Variants in DPP10 observed in about 807,000 individuals in gnomAD.
DPP10 encodes inactive dipeptidyl peptidase 10.
DPP10 carries 33 observed loss-of-function variants against 120.9 expected under a neutral mutation model. The ratio of observed to expected loss-of-function variants is 0.27; its 90% CI spans 0.21 to 0.37. DPP10 has a LOEUF of 0.37. Ranked by LOEUF, DPP10 falls within the 10% of genes least tolerant of loss-of-function variation. DPP10 has a pLI of 1.00. For synonymous variants in DPP10, 337 were observed against 326.1 expected (o/e 1.03, Z -0.36); for missense variants, 816 against 942.8 (o/e 0.87, Z 1.76).
At chr2:115,663,204 TTC>T (rs1481765730) in intron 5 of DPP10, among the ~76,000 whole-genome samples, 6 of 152,166 alleles carry the variant, frequency 3.9e-5, no homozygotes, top group Admixed American at 6.6e-5. Flanking sequence ...TGTTTTAAAT[TTC>T]TTTTTGTTCT....
chr2:114,971,374 T>C (rs563762129), intron 1 of DPP10, among the ~76,000 whole-genome samples: 1 of 152,284 alleles, frequency 6.6e-6, no homozygotes, highest in East Asian at 1.9e-4. Flanking sequence ...CCATCATAGG[T>C]TCCCCAGAAA....
chr2:115,475,115 T>C (rs1324007001), intron 3 of DPP10, among the ~76,000 whole-genome samples: 1 of 151,900 alleles, frequency 6.6e-6, no homozygotes, highest in Non-Finnish European at 1.5e-5. Flanking sequence ...GCCAAGACAA[T>C]GGGAAGGCCT....
chr2:114,609,239 A>T (rs1382074769), intron 1 of DPP10, among the ~76,000 whole-genome samples: 1 of 152,130 alleles, frequency 6.6e-6, no homozygotes, highest in Non-Finnish European at 1.5e-5. Context: ...TGATCAATGG[A>T]AGCATATTTC....
intron 5 of DPP10, among the ~76,000 whole-genome samples, chr2:115,646,155 A>G (rs868432106): frequency 6.6e-6 from 1 of 151,944 alleles, no homozygotes; most frequent in African/African-American, 2.4e-5. Context: ...CCTCCTATTT[A>G]TTATTTTATT....
intron 13 of DPP10, among the ~76,000 whole-genome samples, chr2:115,774,221 C>CAT (rs1681825947): frequency 6.8e-6 from 1 of 148,028 alleles, no homozygotes; most frequent in South Asian, 2.2e-4. Context: ...CACACACACA[C>CAT]ACACACACAC....
intron 2 of DPP10, among the ~76,000 whole-genome samples, chr2:115,331,514 A>G (rs1389201254): frequency 1.3e-5 from 2 of 152,122 alleles, no homozygotes; most frequent in Admixed American, 1.3e-4. Flanking sequence ...TTTCAAAGGG[A>G]ATGCTCCCAG....
At chr2:115,836,349 A>C in intron 22 of DPP10, 93 bp downstream of exon 22, 1 of 1,380,556 alleles carries the variant, frequency 7.2e-7, no homozygotes, top group Non-Finnish European at 1.0e-6. Context: ...CTCATTTATC[A>C]TATGTTATTA....
intron 3 of DPP10, among the ~76,000 whole-genome samples, chr2:115,419,335 G>A (rs2069723631): frequency 6.6e-6 from 1 of 152,172 alleles, no homozygotes; most frequent in African/African-American, 2.4e-5. Context: ...CATGGTGTCA[G>A]TATCTGCATC....
intron 1 of DPP10, among the ~76,000 whole-genome samples, chr2:115,094,385 G>A (rs1292282023): frequency 6.6e-6 from 1 of 152,082 alleles, no homozygotes; most frequent in Non-Finnish European, 1.5e-5. Flanking sequence ...ATATATTTTA[G>A]GAGATAGAAA....
intron 1 of DPP10, among the ~76,000 whole-genome samples, chr2:114,473,524 T>C (rs1009353585): frequency 2.0e-5 from 3 of 152,222 alleles, no homozygotes; most frequent in Admixed American, 2.0e-4. Context: ...AGCTGTACTT[T>C]TAGGAACATA....
At chr2:115,385,253 G>C (rs565817902) in intron 3 of DPP10, among the ~76,000 whole-genome samples, 1 of 152,256 alleles carries the variant, frequency 6.6e-6, no homozygotes, top group Admixed American at 6.5e-5. Flanking sequence ...GTGCTATACA[G>C]AGAGGCCAAG....
chr2:114,490,640 A>G (rs957126646), intron 1 of DPP10, among the ~76,000 whole-genome samples: 1 of 152,160 alleles, frequency 6.6e-6, no homozygotes, highest in Non-Finnish European at 1.5e-5. Flanking sequence ...ATGGAGAAGC[A>G]AAGGGGGAGA....
chr2:114,618,228 C>T (rs1428454349), intron 1 of DPP10, among the ~76,000 whole-genome samples: 1 of 151,960 alleles, frequency 6.6e-6, no homozygotes, highest in Non-Finnish European at 1.5e-5. Flanking sequence ...AATCAAATGT[C>T]TCATGCTTGT....
At chr2:115,424,310 G>A (rs2070256939) in intron 3 of DPP10, among the ~76,000 whole-genome samples, 1 of 151,900 alleles carries the variant, frequency 6.6e-6, no homozygotes, top group Non-Finnish European at 1.5e-5. Flanking sequence ...TATTTTTCCT[G>A]AAAATACTTA....
intron 1 of DPP10, among the ~76,000 whole-genome samples, chr2:114,853,947 A>G (rs1378733790): frequency 6.6e-6 from 1 of 152,154 alleles, no homozygotes; most frequent in Non-Finnish European, 1.5e-5. Context: ...CTCTACCATA[A>G]CCTTACTGGA....
chr2:114,557,486 G>T (rs1450671461), intron 1 of DPP10, among the ~76,000 whole-genome samples: 1 of 152,194 alleles, frequency 6.6e-6, no homozygotes, highest in Non-Finnish European at 1.5e-5. Context: ...TCAGAAAGCT[G>T]CAGACTCAGA....
intron 7 of DPP10, among the ~76,000 whole-genome samples, chr2:115,719,696 A>G (rs1314224626): frequency 6.6e-6 from 1 of 152,230 alleles, no homozygotes; most frequent in Non-Finnish European, 1.5e-5. Context: ...AAATTTTGAT[A>G]AAAGTCTTTA....
intron 1 of DPP10, among the ~76,000 whole-genome samples, chr2:114,779,766 G>A (rs1375493216): frequency 1.3e-5 from 2 of 152,224 alleles, no homozygotes; most frequent in South Asian, 2.1e-4. Context: ...TTATCAGGTG[G>A]GATTTAGATA....
intron 1 of DPP10, among the ~76,000 whole-genome samples, chr2:115,237,419 C>T (rs1043901726): frequency 3.9e-5 from 6 of 152,028 alleles, no homozygotes; most frequent in Admixed American, 2.0e-4. Context: ...TCTCCTTTTC[C>T]GCAGGCCTCC....
Sources: allele counts gnomAD v4.1 joint callset (sites outside exome capture counted in the v4.1 genomes callset), GRCh38; gene constraint gnomAD v4.1.1; transcripts MANE v1.5; gene names NCBI Gene and HGNC (gene_info 2026-07-23, HGNC 2026-07-21).